The following PDK3 variants were observed in gnomAD, a reference collection of about 807,000 sequenced individuals.
PDK3 encodes pyruvate dehydrogenase kinase, isozyme 3.
PDK3 carries 12 observed loss-of-function variants against 32.0 expected under a neutral mutation model. That is an observed-to-expected ratio of 0.37 (90% confidence interval 0.24 to 0.61). The LOEUF (loss-of-function observed/expected upper bound fraction) is 0.61, where lower values mean the gene tolerates loss of function less well. Ranked by LOEUF, PDK3 falls within the 20% of genes least tolerant of loss-of-function variation. The pLI is 0.65. For missense variants in PDK3, 188 were observed against 316.9 expected (o/e 0.59, Z 3.09); for synonymous variants, 122 against 116.3 (o/e 1.05, Z -0.31).
chrX:24,547,082 C>T lies in PDK3; in HGVS notation c.*7918C>T, dbSNP rs7886890. 3 of 112,355 alleles carry T rather than the reference C, an allele frequency of 2.7e-5. No homozygotes were observed. In the Admixed American group the frequency reaches 2.8e-4, roughly 11 times the overall value. The allele number at this position is 112,355 out of a possible 1,213,427, so 9.3% of individuals were successfully genotyped here. ...AGTGTTGGTGGCGCTGCAGGGGCAA[C>T]GTGCCTCCCATTGGAAGTGGTGACT... is the stretch of plus-strand genomic sequence containing the variant. On this transcript the variant is annotated 3_prime_UTR_variant, in exon 12 of 12. Coordinates refer to the PDK3 transcript ENST00000568479.
At chrX:24,478,671 A>G (rs1921173758) in intron 1 of PDK3, among the ~76,000 whole-genome samples, 1 of 112,108 alleles carries the variant, frequency 8.9e-6, no homozygotes, top group Non-Finnish European at 1.9e-5. Flanking sequence ...CTTTTGCCAT[A>G]ATGAATGGCA....
At chrX:24,535,378 G>A (rs1232928100), downstream of PDK3, among the ~76,000 whole-genome samples, 2 of 109,570 alleles carry the variant, frequency 1.8e-5, no homozygotes, top group African/African-American at 3.3e-5. Context: ...GGTGGCACAC[G>A]CCTGTAATTC....
exon 12 of PDK3, among the ~76,000 whole-genome samples, chrX:24,543,161 G>GT (rs1283560164): frequency 3.6e-5 from 4 of 112,335 alleles, no homozygotes; most frequent in Non-Finnish European, 7.5e-5. Context: ...CTGGAATGCA[G>GT]TGAGCATTAG....
At chrX:24,475,185 T>A (rs1305550027) in intron 1 of PDK3, among the ~76,000 whole-genome samples, 2 of 101,530 alleles carry the variant, frequency 2.0e-5, no homozygotes, top group African/African-American at 3.7e-5. Context: ...AAATGACAGA[T>A]TTTTTTTTTT....
At chrX:24,508,746 T>G (rs1922046223) in intron 5 of PDK3, among the ~76,000 whole-genome samples, 2 of 111,307 alleles carry the variant, frequency 1.8e-5, no homozygotes, top group Admixed American at 9.5e-5. Context: ...GGAGTCTCGC[T>G]CTGTCGTCCA....
intron 1 of PDK3, among the ~76,000 whole-genome samples, chrX:24,474,242 A>T (rs931649615): frequency 9.0e-6 from 1 of 111,137 alleles, no homozygotes; most frequent in South Asian, 3.8e-4. Flanking sequence ...TCTTTTTTGT[A>T]ACCTCTTACA....
At chrX:24,470,680 G>A (rs1310129806) in intron 1 of PDK3, among the ~76,000 whole-genome samples, 2 of 75,865 alleles carry the variant, frequency 2.6e-5, no homozygotes, top group South Asian at 8.5e-4. Flanking sequence ...AGAGTGAAAC[G>A]GCATCTCAAA....
chrX:24,494,380 G>C (rs1921648909), intron 1 of PDK3, among the ~76,000 whole-genome samples: 1 of 111,971 alleles, frequency 8.9e-6, no homozygotes, highest in Admixed American at 9.5e-5. Flanking sequence ...CCTATGAATG[G>C]GAGTGGATTT....
intron 1 of PDK3, among the ~76,000 whole-genome samples, chrX:24,487,975 G>T (rs1921445634): frequency 1.2e-5 from 1 of 82,116 alleles, no homozygotes; most frequent in South Asian, 7.6e-4. Flanking sequence ...TTGCACTCCA[G>T]CCTGGGCAAC....
At chrX:24,536,308 T>C (rs969883157), downstream of PDK3, among the ~76,000 whole-genome samples, 2 of 111,943 alleles carry the variant, frequency 1.8e-5, no homozygotes, top group African/African-American at 6.5e-5. Context: ...TTACCCCAAT[T>C]GATCATTTCG....
rs184318467 is a variant in PDK3, at chrX:24,506,903, C to T, written c.595+1605C>T. On this transcript the variant is annotated intron_variant, in intron 5 of 10. Coordinates refer to ENST00000379162, the MANE Select transcript of PDK3 (RefSeq NM_005391.5). ...TCAGCTCACCGCAAGCTCTGTCCTT[C>T]GAGTTCAAGTGATTCTCCTGCCTCA... Among the ~76,000 whole-genome samples, 13 of 98,683 alleles carry T rather than the reference C, an allele frequency of 1.3e-4. No individual in the cohort carries two copies. In the South Asian group the frequency reaches 5.6e-3, roughly 43 times the overall value. 85.7% of individuals were successfully genotyped at this position (98,683 alleles called of 115,157 possible).
Position 24,494,272 on chromosome X carries a change from C to T in PDK3, c.107-470C>T, listed in dbSNP as rs144662600. Among the ~76,000 whole-genome samples, 1,026 of 112,041 alleles carry T rather than the reference C, an allele frequency of 9.2e-3. 15 individuals carry two copies. The highest frequency in any genetic ancestry group is 0.029 in the African/African-American group (908 of 30,897). On this transcript the variant is annotated intron_variant, in intron 1 of 10. Transcript: ENST00000379162. ...TTCCCAGAGGGGCAGAGCTATGGTC[C>T]CTGAAGAAACACACTGGAGGAAAAT... is the stretch of plus-strand genomic sequence containing the variant.
At chrX:24,487,381 C>T (rs746723129) in intron 1 of PDK3, among the ~76,000 whole-genome samples, 11 of 111,880 alleles carry the variant, frequency 9.8e-5, no homozygotes, top group South Asian at 3.7e-4. Context: ...AACTACTAGA[C>T]GGAGGGGGAA....
chrX:24,489,608 C>G (rs1218338738), intron 1 of PDK3, among the ~76,000 whole-genome samples: 1 of 105,220 alleles, frequency 9.5e-6, no homozygotes, highest in Non-Finnish European at 1.9e-5. Flanking sequence ...TCGTTTGAAC[C>G]CAGGAGGCGT....
chrX:24,539,296 C>A, downstream of PDK3: 1 of 448,077 alleles, frequency 2.2e-6, no homozygotes, highest in Non-Finnish European at 3.8e-6. Context: ...TGTATTTTCT[C>A]TCTACCACCT....
In PDK3 at chrX:24,466,065, A is replaced by G. The variant is rs371078885; in HGVS notation, c.106+504A>G. ...CTCGAACTGTTGTCTTCATCAGGTTATGTTAAATCAGTTAGAGGCCTGGCC... is the reference window on the plus strand; with the variant it reads ...CTCGAACTGTTGTCTTCATCAGGTTGTGTTAAATCAGTTAGAGGCCTGGCC... On this transcript the variant is annotated intron_variant, in intron 1 of 10. Coordinates refer to ENST00000379162, the MANE Select transcript of PDK3 (RefSeq NM_005391.5). Among the ~76,000 whole-genome samples the G allele has an allele frequency of 3.6e-5, 4 of 110,456 alleles. No individual in the cohort carries two copies. The East Asian group carries it at 1.1e-3, about 32-fold the overall frequency.
Position 24,531,702 on chromosome X carries a change from T to C in PDK3, c.1009T>C (p.Tyr337His), listed in dbSNP as rs1424911471. 8.3e-7 allele frequency: 1 copy of C among 1,203,834 alleles called. No homozygotes were observed. The highest frequency in any genetic ancestry group is 1.1e-6 in the Non-Finnish European group (1 of 888,400). Reference sequence around the variant, plus strand: ...GCCAATTTCCCGTCTGTATGCTAGATATTTTCAAGGAGATCTGAAACTGTA... The same window carrying C: ...GCCAATTTCCCGTCTGTATGCTAGACATTTTCAAGGAGATCTGAAACTGTA... ...GLPISRLYAR[Y>H]FQGDLKLYSM... The change falls in exon 10 of 11, where the codon TAT (tyrosine) becomes CAT (histidine). Residue 337 changes from tyrosine to histidine, a missense_variant. Tyr to His is a moderately conservative substitution (Grantham distance 83, BLOSUM62 2). Transcript: ENST00000379162.
chrX:24,499,774 G>T (rs1921806549), intron 3 of PDK3, among the ~76,000 whole-genome samples: 2 of 111,905 alleles, frequency 1.8e-5, no homozygotes, highest in African/African-American at 6.5e-5. Flanking sequence ...GGACCTATAA[G>T]CTATGTTTAC....
chrX:24,471,011 C>T (rs910499672), intron 1 of PDK3, among the ~76,000 whole-genome samples: 7 of 110,501 alleles, frequency 6.3e-5, no homozygotes, highest in African/African-American at 2.3e-4. Flanking sequence ...AATGAGAACA[C>T]ATGGACACGG....
Sources: allele counts gnomAD v4.1 joint callset (sites outside exome capture counted in the v4.1 genomes callset), GRCh38; gene constraint gnomAD v4.1.1; transcripts MANE v1.5; gene names NCBI Gene and HGNC (gene_info 2026-07-23, HGNC 2026-07-21).